The following THADA variants were observed in gnomAD, a reference collection of about 807,000 sequenced individuals.
The protein encoded by THADA is tRNA (32-2'-O)-methyltransferase regulator THADA.
In THADA, 213 loss-of-function variants were observed where a neutral mutation model predicts 219.8. The observed-to-expected ratio is 0.97, with a 90% CI of 0.87 to 1.09. The LOEUF is 1.09. Among genes scored for constraint, THADA ranks in the 50% least tolerant of loss-of-function variants. THADA has a pLI of 0.00. For synonymous variants in THADA, 1,018 were observed against 828.9 expected, an observed-to-expected ratio of 1.23 and a Z score of -3.92; for missense variants, 2,956 against 2,311.3, an observed-to-expected ratio of 1.28 and a Z score of -5.72.
chr2:43,503,974 C>T (rs772154046), intron 24 of THADA, among the ~76,000 whole-genome samples: 3 of 151,964 alleles, frequency 2.0e-5, no homozygotes, highest in East Asian at 1.9e-4. Context: ...TTTTAAAGCA[C>T]GGACATGACA....
At chr2:43,433,296 G>A (rs900206269) in intron 26 of THADA, among the ~76,000 whole-genome samples, 2 of 151,966 alleles carry the variant, frequency 1.3e-5, no homozygotes, top group Admixed American at 6.6e-5. Flanking sequence ...TTGGGAGGCC[G>A]AGCCGGGTGG....
chr2:43,399,523 G>A (rs1012467173), intron 28 of THADA, among the ~76,000 whole-genome samples: 7 of 152,200 alleles, frequency 4.6e-5, no homozygotes, highest in Non-Finnish European at 1.0e-4. Context: ...TCATCATGGT[G>A]TTGGGGGAGG....
intron 29 of THADA, among the ~76,000 whole-genome samples, chr2:43,367,097 T>C (rs1356790950): frequency 6.6e-6 from 1 of 152,190 alleles, no homozygotes; most frequent in East Asian, 1.9e-4. Context: ...ATAAATACTG[T>C]ATGATTTCCC....
At chr2:43,461,815 G>A (rs1253453973) in intron 26 of THADA, among the ~76,000 whole-genome samples, 1 of 152,178 alleles carries the variant, frequency 6.6e-6, no homozygotes, top group Non-Finnish European at 1.5e-5. Context: ...TTCAGCAAAG[G>A]TTCTGCAATC....
chr2:43,485,445 G>A, intron 25 of THADA, 120 bp from the exon 26 acceptor site: 1 of 685,850 alleles, frequency 1.5e-6, no homozygotes, highest in Non-Finnish European at 2.5e-6. Flanking sequence ...AGGCTAAAAA[G>A]ACAGATTTGT....
intron 36 of THADA, among the ~76,000 whole-genome samples, chr2:43,252,752 A>T (rs1669931576): frequency 6.6e-6 from 1 of 152,080 alleles, no homozygotes; most frequent in Non-Finnish European, 1.5e-5. Flanking sequence ...CAGGCTCAAC[A>T]ATGTTCCCTA....
intron 21 of THADA, among the ~76,000 whole-genome samples, chr2:43,540,927 G>A (rs1383983200): frequency 6.6e-6 from 1 of 152,040 alleles, no homozygotes; most frequent in Admixed American, 6.5e-5. Context: ...TAAAAGTGAG[G>A]TAAAATCTAC....
At chr2:43,516,462 C>G (rs897449905) in intron 22 of THADA, among the ~76,000 whole-genome samples, 2 of 152,130 alleles carry the variant, frequency 1.3e-5, no homozygotes, top group African/African-American at 2.4e-5. Flanking sequence ...CCTCTCAGGA[C>G]TTTTTCACCT....
At chr2:43,573,770 T>A (rs1294252313) in intron 11 of THADA, among the ~76,000 whole-genome samples, 1 of 152,230 alleles carries the variant, frequency 6.6e-6, no homozygotes, top group Non-Finnish European at 1.5e-5. Context: ...ATATGATGTG[T>A]CATGATCATC....
chr2:43,503,078 AG>A lies in THADA; in HGVS notation c.3621+2543del, dbSNP rs1573969451. ...AAACTGTAAAAGTCTGATAATACAA[AG>A]GTGTTGATAAGCAATGGAAACTCTT... On this transcript the variant is annotated intron_variant, in intron 24 of 37. Coordinates refer to ENST00000405975, the MANE Select transcript of THADA (RefSeq NM_022065.5). Among the ~76,000 whole-genome samples, 3 of 152,352 alleles carry A rather than the reference AG, an allele frequency of 2.0e-5. No homozygotes were observed. In the East Asian group the frequency reaches 5.8e-4, roughly 29 times the overall value.
intron 7 of THADA, among the ~76,000 whole-genome samples, chr2:43,585,002 C>T (rs1700856991): frequency 3.3e-5 from 5 of 152,176 alleles, no homozygotes; most frequent in Admixed American, 3.3e-4. Context: ...CCTCACTCAG[C>T]AACCAGAATA....
chr2:43,332,800 A>G (rs924103322), intron 30 of THADA, among the ~76,000 whole-genome samples: 10 of 152,240 alleles, frequency 6.6e-5, no homozygotes, highest in African/African-American at 1.7e-4. Flanking sequence ...TGAGCCCTCT[A>G]TTGAACTAAC....
chr2:43,468,557 T>TTCACTGCTACCAAAGCTACCCAATTATAC (rs1684538848), intron 26 of THADA, among the ~76,000 whole-genome samples: 2 of 152,190 alleles, frequency 1.3e-5, no homozygotes, highest in African/African-American at 4.8e-5. Context: ...TGCCCTCATT[T>TTCACTGCTACCAAAGCTACCCAATTATAC]TCACTGCTAC....
chr2:43,514,281 C>T (rs1047914222), intron 22 of THADA, among the ~76,000 whole-genome samples: 1 of 149,396 alleles, frequency 6.7e-6, no homozygotes, highest in South Asian at 2.1e-4. Context: ...GAAACACTAT[C>T]TCTACAAAAA....
In THADA at chr2:43,592,034, A is replaced by C. The variant is rs747661099; in HGVS notation, c.89T>G (p.Val30Gly). Residue 30 changes from valine to glycine, a missense_variant, in exon 3 of 38, where the codon GTG becomes GGG. Transcript: ENST00000405975. ...DLETLKSFAD[V>G]EGKNLASLLL... ...CAAAGAAGCTAGATTTTTCCCTTCC[A>C]CATCAGCAAAAGCTATATAACATAT... 8 of 1,558,312 alleles carry C rather than the reference A, an allele frequency of 5.1e-6. No individual in the cohort carries two copies. The highest frequency in any genetic ancestry group is 2.3e-5 in the East Asian group (1 of 43,064).
rs1460773294 is a variant in THADA at position 43,577,261 on chromosome 2, G to C, written c.817-19C>G. On this transcript the variant is annotated intron_variant, in intron 9 of 37. Transcript: ENST00000405975. ...TGCTAATCTGGAAAAATATAGCAGA[G>C]CTAACACACATAAAGCTTTTAAAAC... The C allele has an allele frequency of 1.9e-6, 3 of 1,539,964 alleles. No individual in the cohort carries two copies. Among genetic ancestry groups the C allele is most frequent in the Non-Finnish European group, 2.6e-6 (3 of 1,133,548 alleles).
Position 43,578,567 on chromosome 2 carries a change from A to G in THADA, c.762T>C (p.Ala254=). 6.2e-7 allele frequency: 1 copy of G among 1,613,054 alleles called. No individual in the cohort carries two copies. The highest frequency in any genetic ancestry group is 8.5e-7 in the Non-Finnish European group (1 of 1,179,208). Residue 254 remains alanine (A), a synonymous_variant, in exon 9 of 38, where the codon GCT becomes GCC. Transcript: ENST00000405975. ...LQTVQSTSGL[A]IILFIKTMFH... is the part of the protein sequence containing the mutation. Reference sequence around the variant, plus strand: ...ACATAGTCTTAATAAAAAGAATAATAGCTAATCCAGATGTGCTCTGTACAG... The same window carrying G: ...ACATAGTCTTAATAAAAAGAATAATGGCTAATCCAGATGTGCTCTGTACAG...
chr2:43,571,124 T>C (rs931341863), intron 13 of THADA, among the ~76,000 whole-genome samples: 8 of 152,104 alleles, frequency 5.3e-5, no homozygotes, highest in Non-Finnish European at 1.2e-4. Flanking sequence ...GGCATGGTGG[T>C]GTGCCCCTGT....
chr2:43,570,290 A>G, intron 14 of THADA, 98 bp downstream of exon 14: 1 of 1,243,496 alleles, frequency 8.0e-7, no homozygotes, highest in Non-Finnish European at 1.1e-6. Flanking sequence ...ACAGAAACAC[A>G]ATTTACCAAG....
Sources: gnomAD v4.1 joint callset for allele counts (sites outside exome capture counted in the v4.1 genomes callset) on GRCh38, gnomAD v4.1.1 for gene constraint, MANE v1.5 for transcripts, NCBI Gene and HGNC (gene_info 2026-07-23, HGNC 2026-07-21) for gene names.